IQGAP2: variants seen among roughly 807,000 people sequenced by gnomAD.
IQGAP2 encodes ras GTPase-activating-like protein IQGAP2.
IQGAP2 carries 173 observed loss-of-function variants against 201.3 expected under a neutral mutation model. The ratio of observed to expected loss-of-function variants is 0.86; its 90% CI spans 0.76 to 0.98. IQGAP2 has a LOEUF of 0.98. Ranked by LOEUF, IQGAP2 falls within the 50% of genes least tolerant of loss-of-function variation. The probability of loss-of-function intolerance (pLI) is 0.00; values close to 1 mark genes in which losing one functional copy is unlikely to be tolerated. For synonymous variants in IQGAP2, 675 were observed against 673.9 expected (o/e 1.00, Z -0.03); for missense variants, 1,687 against 1,864.8 (o/e 0.90, Z 1.76).
chr5:76,414,897 T>G (rs774704707), intron 1 of IQGAP2, among the ~76,000 whole-genome samples: 1 of 152,216 alleles, frequency 6.6e-6, no homozygotes, highest in Non-Finnish European at 1.5e-5. Context: ...TTAGGGGAAC[T>G]CTGAGAAAGA....
intron 21 of IQGAP2, among the ~76,000 whole-genome samples, chr5:76,662,188 C>G (rs1743312551): frequency 6.6e-6 from 1 of 152,228 alleles, no homozygotes; most frequent in African/African-American, 2.4e-5. Flanking sequence ...GGGGCTATCC[C>G]CATTGCTGTG....
Position 76,707,433 on chromosome 5 carries a change from C to T in IQGAP2, c.*120C>T, listed in dbSNP as rs464494. The T allele has an allele frequency of 0.45, 294,438 of 649,934 alleles. 68,291 individuals carry two copies. The highest frequency in any genetic ancestry group is 0.64 in the African/African-American group (34,803 of 54,246). 40.3% of individuals were successfully genotyped at this position (649,934 alleles called of 1,614,324 possible). ...TTATAAATGTGTGATTTTTTTAAAA[C>T]GACCAAAACTGTTCTGAAGAATGTA... On this transcript the variant is annotated 3_prime_UTR_variant, in exon 36 of 36. Coordinates refer to ENST00000274364, the MANE Select transcript of IQGAP2 (RefSeq NM_006633.5).
At position 76,673,977 on chromosome 5, in the gene IQGAP2, G is replaced by A. The variant is rs1276232518; in HGVS notation, c.3235G>A (p.Val1079Ile). Residue 1079 changes from valine to isoleucine, a missense_variant, in exon 26 of 36, where the codon GTA (valine) becomes ATA (isoleucine). Val to Ile is a conservative substitution (Grantham distance 29). Transcript: ENST00000274364. ...TTATGGATTGAGGTATATAGCCAAA[G>A]TACTGAAGAATTCGATCCATGAGAA... ...LPYGLRYIAK[V>I]LKNSIHEKFP... 1.2e-6 allele frequency: 2 copies of A among 1,604,592 alleles called. No individual in the cohort carries two copies. Among genetic ancestry groups the A allele is most frequent in the South Asian group, 1.1e-5 (1 of 90,846 alleles).
intron 1 of IQGAP2, among the ~76,000 whole-genome samples, chr5:76,428,246 G>T (rs1752125537): frequency 6.6e-6 from 1 of 152,036 alleles, no homozygotes; most frequent in Non-Finnish European, 1.5e-5. Flanking sequence ...TCCTAGCTCA[G>T]TGCTGCCCTT....
intron 2 of IQGAP2, among the ~76,000 whole-genome samples, chr5:76,538,878 T>C (rs1453746159): frequency 6.6e-6 from 1 of 152,196 alleles, no homozygotes; most frequent in Non-Finnish European, 1.5e-5. Context: ...CTAGTAATTA[T>C]TTAACTCGCC....
At chr5:76,442,019 G>A (rs1017357060) in intron 1 of IQGAP2, among the ~76,000 whole-genome samples, 2 of 152,192 alleles carry the variant, frequency 1.3e-5, no homozygotes, top group Non-Finnish European at 2.9e-5. Context: ...TGGGAGGAAA[G>A]AAAGGAACTG....
intron 12 of IQGAP2, 84 bp from the exon 13 acceptor site, chr5:76,610,932 CTAGT>C: frequency 9.5e-7 from 1 of 1,051,466 alleles, no homozygotes; most frequent in Non-Finnish European, 1.4e-6. Flanking sequence ...CCTTGCTGTA[CTAGT>C]TAATTAGCCT....
chr5:76,629,696 C>T (rs928093426), intron 14 of IQGAP2, among the ~76,000 whole-genome samples: 1 of 152,046 alleles, frequency 6.6e-6, no homozygotes, highest in Non-Finnish European at 1.5e-5. Flanking sequence ...TTTTTCACTC[C>T]CTCCCTGCAG....
At chr5:76,616,012 A>T (rs190680932) in intron 13 of IQGAP2, 3 of 152,650 alleles carry the variant, frequency 2.0e-5, no homozygotes, top group Non-Finnish European at 4.4e-5. Context: ...GCCACATAGT[A>T]TTCAAAGCAT....
intron 35 of IQGAP2, 101 bp downstream of exon 35, chr5:76,702,691 A>AGAAAACCAGTGCCAGCTTTATTTGCC (rs1554088823): frequency 1.5e-5 from 9 of 603,558 alleles, no homozygotes; most frequent in Non-Finnish European, 2.7e-5. Flanking sequence ...AAAGTTTAAC[A>AGAAAACCAGTGCCAGCTTTATTTGCC]GAAAACCAGT....
Position 76,532,900 on chromosome 5 carries a change from C to G in IQGAP2, c.147-29496C>G, listed in dbSNP as rs545628720. Among the ~76,000 whole-genome samples, 5 of 152,342 alleles carry G rather than the reference C, an allele frequency of 3.3e-5. No homozygotes were observed. In the East Asian group the frequency reaches 9.6e-4, roughly 29 times the overall value. On this transcript the variant is annotated intron_variant, in intron 2 of 35. Transcript: ENST00000274364. ...CACACTGCCTCTCATGTTCCAGGTCCCCAGAGAAGGGGTGCCAGCACCTCT... is the reference window on the plus strand; with the variant it reads ...CACACTGCCTCTCATGTTCCAGGTCGCCAGAGAAGGGGTGCCAGCACCTCT...
chr5:76,541,614 C>T (rs1483742981), intron 2 of IQGAP2, among the ~76,000 whole-genome samples: 2 of 152,234 alleles, frequency 1.3e-5, no homozygotes, highest in Non-Finnish European at 2.9e-5. Context: ...CTGTTTTCCA[C>T]AGTGGCTGCC....
At chr5:76,452,190 T>C (rs1434401826) in intron 1 of IQGAP2, among the ~76,000 whole-genome samples, 1 of 149,808 alleles carries the variant, frequency 6.7e-6, no homozygotes, top group Non-Finnish European at 1.5e-5. Flanking sequence ...GCTGGGATTA[T>C]AGGCGTGAGC....
intron 1 of IQGAP2, among the ~76,000 whole-genome samples, chr5:76,437,585 T>C (rs1752777913): frequency 6.6e-6 from 1 of 152,082 alleles, no homozygotes; most frequent in Non-Finnish European, 1.5e-5. Flanking sequence ...GTCCATGTGG[T>C]TTCATTGTTC....
chr5:76,641,620 G>A lies in IQGAP2; in HGVS notation c.2094+517G>A, dbSNP rs1323661973. ...ATTCCCAATTTTTTTGCTATAAATT[G>A]TTCTTAAGTTTGCATGACTTGTCTA... On this transcript the variant is annotated intron_variant, in intron 17 of 35. Coordinates refer to ENST00000274364, the MANE Select transcript of IQGAP2 (RefSeq NM_006633.5). Among the ~76,000 whole-genome samples the A allele has an allele frequency of 2.0e-5, 3 of 152,128 alleles. No individual in the cohort carries two copies. In the South Asian group the frequency reaches 6.2e-4, roughly 31 times the overall value.
At chr5:76,613,700 T>C (rs1748614086) in intron 13 of IQGAP2, among the ~76,000 whole-genome samples, 1 of 151,956 alleles carries the variant, frequency 6.6e-6, no homozygotes, top group South Asian at 2.1e-4. Context: ...TATCTTAAGG[T>C]TCTTTTTTTT....
chr5:76,453,104 C>T (rs936851339), intron 1 of IQGAP2, among the ~76,000 whole-genome samples: 8 of 151,924 alleles, frequency 5.3e-5, no homozygotes, highest in African/African-American at 7.3e-5. Flanking sequence ...TTAGTAGAAA[C>T]GGTGTTTCAC....
chr5:76,560,266 C>T (rs940325423), intron 2 of IQGAP2, among the ~76,000 whole-genome samples: 1 of 151,982 alleles, frequency 6.6e-6, no homozygotes, highest in African/African-American at 2.4e-5. Context: ...AATCCCCCTA[C>T]CTCAACCCCC....
chr5:76,408,160 C>CA (rs35042633), intron 1 of IQGAP2, among the ~76,000 whole-genome samples: 23,757 of 151,518 alleles, frequency 0.16, 2,302 homozygotes, highest in East Asian at 0.51. Context: ...GACTCTGTCT[C>CA]AAAAAAAACA....
Sources: allele counts gnomAD v4.1 joint callset (sites outside exome capture counted in the v4.1 genomes callset), GRCh38; gene constraint gnomAD v4.1.1; transcripts MANE v1.5; gene names NCBI Gene and HGNC (gene_info 2026-07-23, HGNC 2026-07-21).